KIF20A: variants seen among roughly 807,000 people sequenced by gnomAD.
KIF20A encodes kinesin-like protein KIF20A.
In KIF20A, 66 loss-of-function variants were observed where a neutral mutation model predicts 113.0. The observed-to-expected ratio is 0.58, with a 90% CI of 0.48 to 0.72. The LOEUF (loss-of-function observed/expected upper bound fraction) is 0.72. Ranked by LOEUF, KIF20A falls within the 30% of genes least tolerant of loss-of-function variation. The pLI, the probability that KIF20A is intolerant of heterozygous loss-of-function variation, is 0.00. For synonymous variants in KIF20A, 376 were observed against 402.3 expected, an observed-to-expected ratio of 0.93 and a Z score of 0.78; for missense variants, 927 against 1,077.6, an observed-to-expected ratio of 0.86 and a Z score of 1.96.
chr5:138,179,780 G>A lies in KIF20A; in HGVS notation c.100G>A (p.Val34Met), dbSNP rs759468813. 1 of 1,614,116 alleles carries A rather than the reference G, an allele frequency of 6.2e-7. No individual in the cohort carries two copies. Among genetic ancestry groups the A allele is most frequent in the Non-Finnish European group, 8.5e-7 (1 of 1,180,026 alleles). The change falls in exon 2 of 19, where the codon GTG becomes ATG. Residue 34 changes from valine (V) to methionine (M), a missense_variant. Transcript: ENST00000394894. ...FESTAADLGS[V>M]VRKNLLSDCS... is the part of the protein sequence containing the mutation. Reference sequence around the variant, plus strand: ...GTCCACAGCTGCAGATTTGGGGTCTGTGGTACGCAAGAACCTGCTATCAGA... The same window carrying A: ...GTCCACAGCTGCAGATTTGGGGTCTATGGTACGCAAGAACCTGCTATCAGA...
chr5:138,185,882 A>G, intron 16 of KIF20A, 79 bp from the exon 17 acceptor site: 2 of 1,361,994 alleles, frequency 1.5e-6, no homozygotes, highest in Non-Finnish European at 2.1e-6. Context: ...GCTGCAAGCT[A>G]CTGTTACCTC....
Position 138,179,748 on chromosome 5 carries a change from T to C in KIF20A, c.68T>C (p.Met23Thr), listed in dbSNP as rs1279202385. The C allele has an allele frequency of 1.2e-6, 2 of 1,614,028 alleles. No individual in the cohort carries two copies. Among genetic ancestry groups the C allele is most frequent in the Non-Finnish European group, 1.7e-6 (2 of 1,180,036 alleles). Residue 23 changes from methionine to threonine, a missense_variant, in exon 2 of 19, where the codon ATG becomes ACG. Coordinates refer to ENST00000394894, the MANE Select transcript of KIF20A (RefSeq NM_005733.3). ...GATGACGATGTCGTAGTTTCTCCCATGTTTGAGTCCACAGCTGCAGATTTG... is the reference window on the plus strand; with the variant it reads ...GATGACGATGTCGTAGTTTCTCCCACGTTTGAGTCCACAGCTGCAGATTTG... The part of the protein sequence containing the change: ...LSDDDVVVSP[M>T]FESTAADLGS...
chr5:138,179,705 C>T lies in KIF20A; in HGVS notation c.25C>T (p.Pro9Ser), dbSNP rs1213307192. 19 of 1,614,130 alleles carry T rather than the reference C, an allele frequency of 1.2e-5. No homozygotes were observed. Among genetic ancestry groups the T allele is most frequent in the Non-Finnish European group, 1.5e-5 (18 of 1,180,024 alleles). Residue 9 changes from proline to serine, a missense_variant, in exon 2 of 19, where the codon CCA (proline) becomes TCA (serine). By Grantham distance (74) the Pro-to-Ser change is moderately conservative. Coordinates refer to ENST00000394894, the MANE Select transcript of KIF20A (RefSeq NM_005733.3). MSQGILSP[P>S]AGLLSDDDVV... ...CATGTCGCAAGGGATCCTTTCTCCG[C>T]CAGCGGGCTTGCTGTCCGATGACGA...
At chr5:138,182,505 G>GTGTTGT in intron 5 of KIF20A, 44 bp downstream of exon 5, 1 of 1,612,412 alleles carries the variant, frequency 6.2e-7, no homozygotes, top group Non-Finnish European at 8.5e-7. Context: ...GCTGGTAATG[G>GTGTTGT]TGTTGTTTTT....
rs755155436 is a variant in KIF20A, at chr5:138,186,020, G to A, written c.2185G>A (p.Asp729Asn). ...PPPSAKPFTI[D>N]VDKKLEEGQK... The stretch of plus-strand genomic sequence containing the variant: ...ACCCTCAGCCAAGCCCTTCACCATT[G>A]ATGTGGACAAGAAGTTAGAAGAGGG... Residue 729 changes from aspartate (D) to asparagine (N), a missense_variant, in exon 17 of 19, where the codon GAT (aspartate) becomes AAT (asparagine). Asp to Asn is a conservative substitution (Grantham distance 23). Transcript: ENST00000394894. The A allele has an allele frequency of 1.2e-5, 19 of 1,613,894 alleles. No homozygotes were observed. The highest frequency in any genetic ancestry group is 1.6e-5 in the Non-Finnish European group (19 of 1,179,984).
intron 5 of KIF20A, 29 bp downstream of exon 5, chr5:138,182,490 G>T: frequency 6.2e-7 from 1 of 1,612,850 alleles, no homozygotes. Flanking sequence ...CGGGATTCCT[G>T]ATTGGCTGGT....
rs141428538 is a variant in KIF20A, at chr5:138,186,018, T to C, written c.2183T>C (p.Ile728Thr). ...CCACCCTCAGCCAAGCCCTTCACCA[T>C]TGATGTGGACAAGAAGTTAGAAGAG... The part of the protein sequence containing the change: ...EPPPSAKPFT[I>T]DVDKKLEEGQ... Residue 728 changes from isoleucine to threonine, a missense_variant, in exon 17 of 19, where the codon ATT becomes ACT. Ile to Thr is a moderately conservative substitution (Grantham distance 89). Coordinates refer to ENST00000394894, the MANE Select transcript of KIF20A (RefSeq NM_005733.3). 235 of 1,614,082 alleles carry C rather than the reference T, an allele frequency of 1.5e-4. 1 individual carries two copies. The South Asian group carries it at 1.5e-3, about 11-fold the overall frequency.
intron 12 of KIF20A, 52 bp from the exon 13 acceptor site, chr5:138,184,460 A>C: frequency 5.0e-6 from 8 of 1,611,934 alleles, no homozygotes. Flanking sequence ...ACTCTAAGAA[A>C]GCTCCTAGGG....
intron 2 of KIF20A, among the ~76,000 whole-genome samples, chr5:138,180,813 A>T (rs957627711): frequency 6.6e-6 from 1 of 152,164 alleles, no homozygotes; most frequent in Admixed American, 6.5e-5. Flanking sequence ...AGTAGCTGGA[A>T]TTACAGGCAC....
At position 138,186,066 on chromosome 5, in the gene KIF20A, TTC is replaced by T. The variant is rs781552978; in HGVS notation, c.2217+18_2217+19del. 5.0e-6 allele frequency: 8 copies of T among 1,608,338 alleles called. No individual in the cohort carries two copies. The highest frequency in any genetic ancestry group is 2.2e-5 in the South Asian group (2 of 90,892). On this transcript the variant is annotated intron_variant, in intron 17 of 18. Transcript: ENST00000394894. ...GAGGGCCAGAAGGTAATTACCACCA[TTC>T]TCTGTTTACCAAACTCTTACCTAAG...
rs183290812 is a variant in KIF20A at position 138,185,054 on chromosome 5, G to A, written c.1824-41G>A. The A allele has an allele frequency of 7.1e-4, 1,127 of 1,596,192 alleles. 5 individuals are homozygous for A. In the Middle Eastern group the frequency reaches 0.015, roughly 21 times the overall value. On this transcript the variant is annotated intron_variant, in intron 14 of 18. Transcript: ENST00000394894. ...ATCTGTTCCCCAAGTTCACTCCTCA[G>A]AACCTTCACTTACCTCTCTTTTCTC...
In KIF20A at chr5:138,185,709, A is replaced by C; in HGVS notation, c.2124A>C (p.Glu708Asp). The C allele has an allele frequency of 6.2e-7, 1 of 1,614,056 alleles. No homozygotes were observed. Among genetic ancestry groups the C allele is most frequent in the Non-Finnish European group, 8.5e-7 (1 of 1,179,896 alleles). Reference protein sequence around the residue: ...QCKAELNSTTEELHKYQKMLE... With the variant: ...QCKAELNSTTDELHKYQKMLE... ...AAGCAGAGCTAAACTCTACCACTGA[A>C]GGTGAGGAAAGAGACAGGCAGGAAA... Residue 708 changes from glutamate (E) to aspartate (D), a missense_variant and splice_region_variant, in exon 16 of 19, where the codon GAA becomes GAC. Physicochemically the swap from Glu to Asp is conservative, Grantham distance 45. Transcript: ENST00000394894.
chr5:138,182,929 C>T lies in KIF20A; in HGVS notation c.771C>T (p.Phe257=), dbSNP rs757890608. The change falls in exon 7 of 19, where the codon TTC becomes TTT. Residue 257 remains phenylalanine (F), a synonymous_variant. Coordinates refer to ENST00000394894, the MANE Select transcript of KIF20A (RefSeq NM_005733.3). The part of the protein sequence containing the change: ...IESRIGTSTS[F]DSGIAGLSSI... The stretch of plus-strand genomic sequence containing the variant: ...GTCGGATAGGTACCAGCACCAGCTT[C>T]GACAGTGGCATTGCTGGGCTCTCTT... The T allele has an allele frequency of 1.5e-5, 24 of 1,614,150 alleles. No individual in the cohort carries two copies. The highest frequency in any genetic ancestry group is 6.7e-5 in the East Asian group (3 of 44,872).
rs760158461 is a variant in KIF20A at position 138,185,611 on chromosome 5, C to T, written c.2026C>T (p.Arg676Trp). The change falls in exon 16 of 19, where the codon CGG (arginine) becomes TGG (tryptophan). Residue 676 changes from arginine to tryptophan, a missense_variant. Coordinates refer to ENST00000394894, the MANE Select transcript of KIF20A (RefSeq NM_005733.3). ...ATCAGGGTCTGAATTGGCCCTACGG[C>T]GGTCACAAAGGTTGGCAGCTTCTGC... ...QQSGSELALR[R>W]SQRLAASAST... 18 of 1,614,162 alleles carry T rather than the reference C, an allele frequency of 1.1e-5. No homozygotes were observed. Among genetic ancestry groups the T allele is most frequent in the East Asian group, 4.5e-5 (2 of 44,886 alleles).
Position 138,183,416 on chromosome 5 carries a change from G to C in KIF20A, c.1027+53G>C. 6.2e-7 allele frequency: 1 copy of C among 1,612,210 alleles called. No homozygotes were observed. The highest frequency in any genetic ancestry group is 1.1e-5 in the South Asian group (1 of 90,990). On this transcript the variant is annotated intron_variant, in intron 8 of 18. Transcript: ENST00000394894. The surrounding 1 kb of genome is among the most constrained non-coding windows in gnomAD (Gnocchi z 5.2). ...GAACCCTGGAGGGCAACTGGGGAGAGACTGGCAAAAGAGTTGGATGTTCCC... is the reference window on the plus strand; with the variant it reads ...GAACCCTGGAGGGCAACTGGGGAGACACTGGCAAAAGAGTTGGATGTTCCC...
chr5:138,183,073 G>T lies in KIF20A; in HGVS notation c.832+83G>T. 7 of 1,604,882 alleles carry T rather than the reference G, an allele frequency of 4.4e-6. No individual in the cohort carries two copies. The highest frequency in any genetic ancestry group is 6.0e-6 in the Non-Finnish European group (7 of 1,174,120). ...ATAGCTGCCAGGAGTACAGACCAGAGGTTGCAATCTAAGGTCTGCCTTCCA... is the reference window on the plus strand; with the variant it reads ...ATAGCTGCCAGGAGTACAGACCAGATGTTGCAATCTAAGGTCTGCCTTCCA... On this transcript the variant is annotated intron_variant, in intron 7 of 18. Transcript: ENST00000394894. This position sits in a 1 kb window ranked among gnomAD's most constrained non-coding sequence, Gnocchi z 5.2.
intron 17 of KIF20A, 77 bp from the exon 18 acceptor site, chr5:138,186,217 A>G (rs1754742765): frequency 6.4e-7 from 1 of 1,552,284 alleles, no homozygotes. Context: ...CTTCTCTTCA[A>G]ATGGCTACCT....
Position 138,186,049 on chromosome 5 carries a change from G to GA in KIF20A, c.2216dup (p.Asn740GlufsTer14). Reference sequence around the variant, plus strand: ...TGGACAAGAAGTTAGAAGAGGGCCAGAAGGTAATTACCACCATTCTCTGTT... The same window carrying GA: ...TGGACAAGAAGTTAGAAGAGGGCCAGAAAGGTAATTACCACCATTCTCTGTT... On this transcript the variant is annotated frameshift_variant, in exon 17 of 19. Coordinates refer to ENST00000394894, the MANE Select transcript of KIF20A (RefSeq NM_005733.3). LOFTEE classifies it high-confidence loss of function. 6.2e-7 allele frequency: 1 copy of GA among 1,613,374 alleles called. No homozygotes were observed. Among genetic ancestry groups the GA allele is most frequent in the Non-Finnish European group, 8.5e-7 (1 of 1,179,456 alleles).
At chr5:138,180,680 GTTTT>G (rs957711643) in intron 2 of KIF20A, among the ~76,000 whole-genome samples, 1 of 150,936 alleles carries the variant, frequency 6.6e-6, no homozygotes, top group African/African-American at 2.5e-5. Flanking sequence ...TGTTTTTTGG[GTTTT>G]TTTGTTTTCG....
Sources: allele counts gnomAD v4.1 joint callset (sites outside exome capture counted in the v4.1 genomes callset), GRCh38; gene constraint gnomAD v4.1.1; non-coding constraint Gnocchi (gnomAD v3.1); transcripts MANE v1.5; gene names NCBI Gene and HGNC (gene_info 2026-07-23, HGNC 2026-07-21).